Variants in SPG11 observed in about 807,000 individuals in gnomAD.
The protein encoded by SPG11 is SPG11 vesicle trafficking associated, spatacsin, also known as spatacsin.
Under a neutral mutation model 274.0 loss-of-function variants are expected in SPG11, and 222 were observed. That is an observed-to-expected ratio of 0.81 (90% CI 0.73 to 0.91). SPG11 has a LOEUF of 0.91. SPG11 is among the 40% of genes least tolerant of loss of function. The pLI, the probability that SPG11 is intolerant of heterozygous loss-of-function variation, is 0.00. For missense variants in SPG11, 3,114 were observed against 2,872.7 expected, an observed-to-expected ratio of 1.08 and a Z score of -1.92; for synonymous variants, 1,144 against 1,039.7, an observed-to-expected ratio of 1.10 and a Z score of -1.93.
At chr15:44,566,821 T>C (rs2082318633) in intron 36 of SPG11, among the ~76,000 whole-genome samples, 1 of 151,830 alleles carries the variant, frequency 6.6e-6, no homozygotes, top group Admixed American at 6.6e-5. Flanking sequence ...TGCTTCAGCC[T>C]CCCAAGTAGT....
intron 26 of SPG11, among the ~76,000 whole-genome samples, chr15:44,593,929 CTTTTTTTTT>C (rs1391243093): frequency 2.2e-5 from 3 of 138,870 alleles, no homozygotes; most frequent in African/African-American, 7.9e-5. Flanking sequence ...TTTTTCTTTT[CTTTTTTTTT>C]TTTGTATTTT....
At position 44,589,313 on chromosome 15, in the gene SPG11, G is replaced by A; in HGVS notation, c.4845C>T (p.Thr1615=). 1.2e-6 allele frequency: 2 copies of A among 1,614,100 alleles called. No individual in the cohort carries two copies. Among genetic ancestry groups the A allele is most frequent in the Non-Finnish European group, 1.7e-6 (2 of 1,179,984 alleles). Residue 1615 remains threonine, a synonymous_variant, in exon 28 of 40, where the codon ACC becomes ACT. Coordinates refer to ENST00000261866, the MANE Select transcript of SPG11 (RefSeq NM_025137.4). ...LLKLMLQQCK[T]QYELGKLLQL... ...GTAAAAGCTTCCCCAGCTCATACTG[G>A]GTCTTACACTGCTGTAGCATAAGCT... is the stretch of plus-strand genomic sequence containing the variant.
At position 44,628,910 on chromosome 15, in the gene SPG11, A is replaced by C. The variant is rs1024376575; in HGVS notation, c.1892-66T>G. On this transcript the variant is annotated intron_variant, in intron 9 of 39. Coordinates refer to ENST00000261866, the MANE Select transcript of SPG11 (RefSeq NM_025137.4). ...TAAATATAAACCATGAGCTGTTATAAAGAATTCTAAAGAAAGTCAAAATTC... is the reference window on the plus strand; with the variant it reads ...TAAATATAAACCATGAGCTGTTATACAGAATTCTAAAGAAAGTCAAAATTC... 5 of 1,431,420 alleles carry C rather than the reference A, an allele frequency of 3.5e-6. No individual in the cohort carries two copies. The African/African-American group carries it at 4.2e-5, about 12-fold the overall frequency. 88.7% of individuals were successfully genotyped at this position (1,431,420 alleles called of 1,614,324 possible).
Position 44,565,998 on chromosome 15 carries a change from C to T in SPG11, c.6855G>A (p.Val2285=). The T allele has an allele frequency of 6.2e-7, 1 of 1,613,734 alleles. No homozygotes were observed. Among genetic ancestry groups the T allele is most frequent in the South Asian group, 1.1e-5 (1 of 91,046 alleles). The change falls in exon 38 of 40, where the codon GTG becomes GTA. Residue 2285 remains valine (V), a synonymous_variant. Transcript: ENST00000261866. ...GCCGCTGACAGTGCTGGGCCTGTCG[C>T]ACACAGGAGTCCTGAGGAACAAGGG... ...AAESYAKDSC[V]RQAQHCQRLT...
Position 44,600,714 on chromosome 15 carries a change from T to TA in SPG11, c.3521-83dup. 4 of 1,425,376 alleles carry TA rather than the reference T, an allele frequency of 2.8e-6. No individual in the cohort carries two copies. The South Asian group carries it at 4.6e-5, about 16-fold the overall frequency. The allele number at this position is 1,425,376 out of a possible 1,614,324, so 88.3% of individuals were successfully genotyped here. A position where few individuals can be genotyped will look rare whatever the true frequency, so the allele number is the denominator to read the frequency against. Reference sequence around the variant, plus strand: ...ATTTGCACATGGAACTCTCTAATGATAAAACTGGTTGCTGTAATTATTTTG... The same window carrying TA: ...ATTTGCACATGGAACTCTCTAATGATAAAAACTGGTTGCTGTAATTATTTTG... On this transcript the variant is annotated intron_variant, in intron 20 of 39. Transcript: ENST00000261866.
At chr15:44,657,338 T>C in intron 3 of SPG11, 42 bp from the exon 4 acceptor site, 1 of 1,573,484 alleles carries the variant, frequency 6.4e-7, no homozygotes, top group Non-Finnish European at 8.7e-7. Flanking sequence ...TTTGTAAGTA[T>C]GCCTAACTAT....
At chr15:44,606,217 T>C (rs1043402580) in intron 19 of SPG11, 126 bp from the exon 20 acceptor site, 2 of 729,252 alleles carry the variant, frequency 2.7e-6, no homozygotes, top group African/African-American at 1.8e-5. Flanking sequence ...AGGCTTATTC[T>C]GGACATAAAT....
chr15:44,566,943 T>C (rs1005430589), intron 36 of SPG11, among the ~76,000 whole-genome samples: 4 of 151,916 alleles, frequency 2.6e-5, no homozygotes, highest in Admixed American at 1.3e-4. Context: ...GCTCAGGCAA[T>C]CCACCTACCT....
Position 44,587,232 on chromosome 15 carries a change from A to G in SPG11, c.4907-1382T>C, listed in dbSNP as rs182246768. Among the ~76,000 whole-genome samples, 406 of 152,310 alleles carry G rather than the reference A, an allele frequency of 2.7e-3. 1 individual carries two copies. Among genetic ancestry groups the G allele is most frequent in the African/African-American group, 9.5e-3 (395 of 41,566 alleles). On this transcript the variant is annotated intron_variant, in intron 28 of 39. Transcript: ENST00000261866. ...TGTGGCTGAGTTTGCTCCCTTTCCC[A>G]AACAGTCTAAGTAGAGTCTATGTGT...
chr15:44,622,518 G>A lies in SPG11; in HGVS notation c.2317-171C>T, dbSNP rs76309661. ...ATTTTGAACATTTGAGTTAATGTAT[G>A]TTAACACAAATTTTCTTTTGCCACA... is the stretch of plus-strand genomic sequence containing the variant. On this transcript the variant is annotated intron_variant, in intron 12 of 39. Coordinates refer to ENST00000261866, the MANE Select transcript of SPG11 (RefSeq NM_025137.4). 17,091 of 755,814 alleles carry A rather than the reference G, an allele frequency of 0.023. 721 individuals carry two copies. The highest frequency in any genetic ancestry group is 0.12 in the African/African-American group (6,991 of 56,548). 46.8% of individuals were successfully genotyped at this position (755,814 alleles called of 1,614,324 possible).
chr15:44,626,876 A>G (rs1264245753), intron 10 of SPG11, among the ~76,000 whole-genome samples: 1 of 152,092 alleles, frequency 6.6e-6, no homozygotes, highest in Non-Finnish European at 1.5e-5. Flanking sequence ...CAAAAAATTT[A>G]AAGACCAGTA....
intron 7 of SPG11, among the ~76,000 whole-genome samples, chr15:44,642,546 G>C (rs1458828254): frequency 6.6e-6 from 1 of 151,294 alleles, no homozygotes; most frequent in East Asian, 1.9e-4. Flanking sequence ...GAAAAATAAA[G>C]AAAATCATGA....
Position 44,651,763 on chromosome 15 carries a change from T to C in SPG11, c.1184A>G (p.Gln395Arg), listed in dbSNP as rs758480359. Reference protein sequence around the residue: ...AFIPQDIMHGQYNVLQKDHAK... With the variant: ...AFIPQDIMHGRYNVLQKDHAK... ...ATGATCTTTCTGTAGAACATTATAT[T>C]GCCCATGCATTATGTCCTGTGGAAT... Residue 395 changes from glutamine to arginine, a missense_variant, in exon 6 of 40, where the codon CAA (glutamine) becomes CGA (arginine). Gln to Arg is a conservative substitution (Grantham distance 43). Coordinates refer to ENST00000261866, the MANE Select transcript of SPG11 (RefSeq NM_025137.4). 1.2e-6 allele frequency: 2 copies of C among 1,614,244 alleles called. No homozygotes were observed. Among genetic ancestry groups the C allele is most frequent in the Non-Finnish European group, 1.7e-6 (2 of 1,180,050 alleles).
intron 30 of SPG11, among the ~76,000 whole-genome samples, chr15:44,579,747 A>T (rs2082621899): frequency 1.3e-5 from 2 of 152,204 alleles, no homozygotes; most frequent in African/African-American, 4.8e-5. Flanking sequence ...GAAGAATAAA[A>T]TGAAAATTTT....
rs1309889775 is a variant in SPG11, at chr15:44,652,207, G to T, written c.929C>A (p.Pro310His). The T allele has an allele frequency of 1.2e-6, 2 of 1,613,932 alleles. No homozygotes were observed. The highest frequency in any genetic ancestry group is 2.7e-5 in the African/African-American group (2 of 74,896). The stretch of plus-strand genomic sequence containing the variant: ...AGGATCATCTTCATCTACGCCCTTA[G>T]GTCCTTGAATAGGAAGATCTTCTAG... The part of the protein sequence containing the change: ...RILEDLPIQG[P>H]KGVDEDDPVN... The change falls in exon 5 of 40, where the codon CCT (proline) becomes CAT (histidine). Residue 310 changes from proline to histidine, a missense_variant. Physicochemically the swap from Pro to His is moderately conservative, Grantham distance 77 (BLOSUM62 -2). Coordinates refer to ENST00000261866, the MANE Select transcript of SPG11 (RefSeq NM_025137.4).
intron 32 of SPG11, 143 bp from the exon 33 acceptor site, chr15:44,572,963 T>C: frequency 1.3e-6 from 1 of 771,912 alleles, no homozygotes; most frequent in Non-Finnish European, 2.2e-6. Flanking sequence ...TATTGGTCAT[T>C]TTATAGGACA....
At chr15:44,657,433 G>T in intron 3 of SPG11, 137 bp from the exon 4 acceptor site, 1 of 744,970 alleles carries the variant, frequency 1.3e-6, no homozygotes, top group Non-Finnish European at 2.2e-6. Flanking sequence ...ACTGAGGCAA[G>T]CCCCCATTAT....
intron 33 of SPG11, among the ~76,000 whole-genome samples, chr15:44,571,496 C>CTTTTTTTT (rs796235342): frequency 7.9e-6 from 1 of 126,132 alleles, no homozygotes; most frequent in South Asian, 2.6e-4. Context: ...AATTTCTTTT[C>CTTTTTTTT]TTTTTTTTTT....
chr15:44,649,358 C>A (rs1174641065), intron 6 of SPG11, among the ~76,000 whole-genome samples: 2 of 151,906 alleles, frequency 1.3e-5, no homozygotes, highest in Admixed American at 1.3e-4. Context: ...GCCATCACAC[C>A]CAGCTAATTT....
Sources: gnomAD v4.1 joint callset for allele counts (sites outside exome capture counted in the v4.1 genomes callset) on GRCh38, gnomAD v4.1.1 for gene constraint, MANE v1.5 for transcripts, NCBI Gene and HGNC (gene_info 2026-07-23, HGNC 2026-07-21) for gene names.